Variants in CFAP97 observed in about 807,000 individuals in gnomAD.
The protein encoded by CFAP97 is cilia- and flagella-associated protein 97.
Under a neutral mutation model 43.1 loss-of-function variants are expected in CFAP97, and 36 were observed. That is an observed-to-expected ratio of 0.84 (90% CI 0.64 to 1.10). The LOEUF (loss-of-function observed/expected upper bound fraction) is 1.10, where lower values mean the gene tolerates loss of function less well. CFAP97 is among the 50% of genes least tolerant of loss of function. The pLI, the probability that CFAP97 is intolerant of heterozygous loss-of-function variation, is 0.00. For missense variants in CFAP97, 657 were observed against 620.3 expected, an observed-to-expected ratio of 1.06 and a Z score of -0.63; for synonymous variants, 228 against 225.7, an observed-to-expected ratio of 1.01 and a Z score of -0.09.
intron 2 of CFAP97, chr4:185,182,240 C>T (rs1735820730): frequency 6.6e-6 from 1 of 151,852 alleles, no homozygotes; most frequent in Non-Finnish European, 1.5e-5. Context: ...CATACCATAA[C>T]TTGATGTCTA....
upstream of CFAP97, among the ~76,000 whole-genome samples, chr4:185,206,897 ACT>A (rs1391801472): frequency 6.6e-6 from 1 of 152,062 alleles, no homozygotes; most frequent in African/African-American, 2.4e-5. Flanking sequence ...GGATGGCATA[ACT>A]CTGAGGCAGT....
Position 185,181,388 on chromosome 4 carries a change from C to T in CFAP97, c.1055-5337G>A, listed in dbSNP as rs189187974. On this transcript the variant is annotated intron_variant, in intron 2 of 4. Coordinates refer to ENST00000458385, the MANE Select transcript of CFAP97 (RefSeq NM_020827.3). Reference sequence around the variant, plus strand: ...TTGCCCAGGCTGGAATGCAATGGCGCGATCTTGGCTCACTGCAATCTCCGC... The same window carrying T: ...TTGCCCAGGCTGGAATGCAATGGCGTGATCTTGGCTCACTGCAATCTCCGC... Among the ~76,000 whole-genome samples, 403 of 131,674 alleles carry T rather than the reference C, an allele frequency of 3.1e-3. 15 individuals are homozygous for T. In the South Asian group the frequency reaches 0.066, roughly 21 times the overall value. The allele number at this position is 131,674 out of a possible 152,430, so 86.4% of individuals were successfully genotyped here.
At chr4:185,194,714 A>C (rs923703349) in intron 1 of CFAP97, among the ~76,000 whole-genome samples, 7 of 152,182 alleles carry the variant, frequency 4.6e-5, no homozygotes, top group African/African-American at 1.7e-4. Flanking sequence ...GATTTAGATG[A>C]TGTATGAACA....
chr4:185,170,232 G>C, intron 3 of CFAP97: 2 of 640,228 alleles, frequency 3.1e-6, no homozygotes, highest in East Asian at 6.2e-5. Context: ...TGTAGTTCCA[G>C]TTACTTGGGA....
chr4:185,183,794 C>T (rs964940304), intron 2 of CFAP97, among the ~76,000 whole-genome samples: 23 of 152,166 alleles, frequency 1.5e-4, no homozygotes, highest in African/African-American at 5.3e-4. Flanking sequence ...TTTGTTCCTG[C>T]GCCTTAAAAA....
At chr4:185,175,256 C>T (rs889041738) in intron 3 of CFAP97, among the ~76,000 whole-genome samples, 2 of 151,688 alleles carry the variant, frequency 1.3e-5, no homozygotes, top group Non-Finnish European at 2.9e-5. Context: ...CTCTCTCTCT[C>T]TCTCTTTTTT....
intron 3 of CFAP97, among the ~76,000 whole-genome samples, chr4:185,166,510 G>A (rs1363634603): frequency 6.6e-6 from 1 of 152,094 alleles, no homozygotes; most frequent in Non-Finnish European, 1.5e-5. Flanking sequence ...AACTCCTAGT[G>A]TCCTAAGTTT....
chr4:185,174,207 A>C (rs891801459), intron 3 of CFAP97, among the ~76,000 whole-genome samples: 16 of 151,412 alleles, frequency 1.1e-4, no homozygotes, highest in African/African-American at 3.7e-4. Context: ...CGATCGGCCC[A>C]GAGCCAGGTG....
At chr4:185,191,925 C>A (rs918621142) in intron 1 of CFAP97, among the ~76,000 whole-genome samples, 1 of 152,026 alleles carries the variant, frequency 6.6e-6, no homozygotes, top group Non-Finnish European at 1.5e-5. Flanking sequence ...TAAAAAAAAA[C>A]TCATAGTCAC....
intron 2 of CFAP97, among the ~76,000 whole-genome samples, chr4:185,184,708 G>A (rs1456948659): frequency 2.0e-5 from 3 of 152,090 alleles, no homozygotes; most frequent in Non-Finnish European, 4.4e-5. Flanking sequence ...TGTTTCATTC[G>A]GAATTCCCTT....
chr4:185,172,413 C>T (rs1473913434), intron 3 of CFAP97, among the ~76,000 whole-genome samples: 1 of 152,192 alleles, frequency 6.6e-6, no homozygotes, highest in East Asian at 1.9e-4. Context: ...CCTTCCTTCT[C>T]TACCTTTTCT....
intron 1 of CFAP97, among the ~76,000 whole-genome samples, chr4:185,194,068 A>G (rs1269316698): frequency 6.6e-6 from 1 of 152,222 alleles, no homozygotes; most frequent in Non-Finnish European, 1.5e-5. Context: ...TTATTGGAAC[A>G]CAGCCCCACT....
chr4:185,192,985 C>CTG (rs1736368002), intron 1 of CFAP97, among the ~76,000 whole-genome samples: 1 of 152,006 alleles, frequency 6.6e-6, no homozygotes, highest in East Asian at 1.9e-4. Context: ...TGTGATCCGC[C>CTG]CACCTCGGCC....
chr4:185,175,538 A>G (rs537078156), intron 3 of CFAP97, among the ~76,000 whole-genome samples: 1 of 152,264 alleles, frequency 6.6e-6, no homozygotes, highest in East Asian at 1.9e-4. Flanking sequence ...GGCCTCCCAG[A>G]GTGCTAGAAT....
At chr4:185,169,279 G>A (rs1257340765) in intron 3 of CFAP97, 1 of 152,224 alleles carries the variant, frequency 6.6e-6, no homozygotes, top group Non-Finnish European at 1.5e-5. Flanking sequence ...GGAGGGACTT[G>A]GTGGAAGGTG....
In CFAP97 at chr4:185,162,770, T is replaced by C; in HGVS notation, c.*28A>G. Reference sequence around the variant, plus strand: ...CACGAGCACTTCAAGAAAAGTTGTGTGAACAATGTTTAAAGTAAAAAAGTG... The same window carrying C: ...CACGAGCACTTCAAGAAAAGTTGTGCGAACAATGTTTAAAGTAAAAAAGTG... On this transcript the variant is annotated 3_prime_UTR_variant, in exon 5 of 5. Transcript: ENST00000458385. 3 of 1,607,296 alleles carry C rather than the reference T, an allele frequency of 1.9e-6. No homozygotes were observed. Among genetic ancestry groups the C allele is most frequent in the Non-Finnish European group, 1.7e-6 (2 of 1,176,688 alleles).
At chr4:185,200,623 AGAGT>A (rs1221027997) in intron 1 of CFAP97, among the ~76,000 whole-genome samples, 1 of 151,450 alleles carries the variant, frequency 6.6e-6, no homozygotes, top group Admixed American at 6.6e-5. Flanking sequence ...AGCGGGTGAC[AGAGT>A]GAGATTCTGT....
rs182548884 is a variant in CFAP97 at position 185,165,082 on chromosome 4, T to C, written c.1321-903A>G. ...TATATACTAAAGATTCTGCATAACA[T>C]TTAATTTGGAGAAAAAAGCTTTTGC... On this transcript the variant is annotated intron_variant, in intron 3 of 4. Transcript: ENST00000458385. Among the ~76,000 whole-genome samples the C allele has an allele frequency of 1.6e-4, 25 of 152,308 alleles. No homozygotes were observed. In the East Asian group the frequency reaches 4.4e-3, roughly 27 times the overall value.
chr4:185,187,715 G>A (rs1441873142), intron 2 of CFAP97, among the ~76,000 whole-genome samples: 4 of 151,162 alleles, frequency 2.6e-5, no homozygotes, highest in South Asian at 2.1e-4. Context: ...TCCATACAAC[G>A]TACAGCAATG....
Sources: allele counts gnomAD v4.1 joint callset (sites outside exome capture counted in the v4.1 genomes callset), GRCh38; gene constraint gnomAD v4.1.1; transcripts MANE v1.5; gene names NCBI Gene and HGNC (gene_info 2026-07-23, HGNC 2026-07-21).